The following PFAS variants were observed in gnomAD, a reference collection of about 807,000 sequenced individuals.
PFAS encodes the protein phosphoribosylformylglycinamidine synthase.
PFAS carries 97 observed loss-of-function variants against 140.6 expected under a neutral mutation model. That is an observed-to-expected ratio of 0.69 (90% CI 0.59 to 0.82). The LOEUF is 0.82. PFAS is among the 40% of genes least tolerant of loss of function. The probability of loss-of-function intolerance (pLI) is 0.00; values close to 1 mark genes in which losing one functional copy is unlikely to be tolerated. For missense variants in PFAS, 1,656 were observed against 1,780.2 expected (o/e 0.93, Z 1.26); for synonymous variants, 679 against 718.8 (o/e 0.94, Z 0.88).
At position 8,256,710 on chromosome 17, in the gene PFAS, GGCCCCTGGA is replaced by G. The variant is rs1445048592; in HGVS notation, c.946+64_946+72del. 2.5e-6 allele frequency: 4 copies of G among 1,578,668 alleles called. No individual in the cohort carries two copies. In the African/African-American group the frequency reaches 5.5e-5, roughly 22 times the overall value. On this transcript the variant is annotated intron_variant, in intron 8 of 27. Coordinates refer to ENST00000314666, the MANE Select transcript of PFAS (RefSeq NM_012393.3). ...AGAATAGGGTAGGGCAAAGGTCCCA[GGCCCCTGGA>G]GTGGGCCTGGGGAAAATAATCAGGG...
Position 8,267,395 on chromosome 17 carries a change from A to G in PFAS, c.3199A>G (p.Ile1067Val). The change falls in exon 25 of 28, where the codon ATC becomes GTC. Residue 1067 changes from isoleucine to valine, a missense_variant. Around this residue, in one of 2 missense-constraint regions of PFAS, gnomAD observed 883 missense variants for 1,023.0 expected, o/e 0.86. Transcript: ENST00000314666. This position sits in a 1 kb window ranked among gnomAD's most constrained non-coding sequence, Gnocchi z 4.9. ...EPGGPSPRVA[I>V]LREEGSNGDR... is the part of the protein sequence containing the mutation. Reference sequence around the variant, plus strand: ...AGGTGGTCCCAGCCCCCGAGTCGCCATCTTGCGAGAGGAGGGCAGTAATGG... The same window carrying G: ...AGGTGGTCCCAGCCCCCGAGTCGCCGTCTTGCGAGAGGAGGGCAGTAATGG... 1 of 1,614,110 alleles carries G rather than the reference A, an allele frequency of 6.2e-7. No homozygotes were observed. The highest frequency in any genetic ancestry group is 1.3e-5 in the African/African-American group (1 of 75,062).
In PFAS at chr17:8,255,692, G is replaced by T; in HGVS notation, c.574+1G>T. On this transcript the variant is annotated splice_donor_variant, in intron 5 of 27. Coordinates refer to ENST00000314666, the MANE Select transcript of PFAS (RefSeq NM_012393.3). LOFTEE classifies it high-confidence loss of function. ...CTGGAGAAGGCCAACCAGGAGCTTGGTGAGTAGCTGGGGAGGGAGATGTAG... is the reference window on the plus strand; with the variant it reads ...CTGGAGAAGGCCAACCAGGAGCTTGTTGAGTAGCTGGGGAGGGAGATGTAG... The T allele has an allele frequency of 3.2e-6, 5 of 1,585,264 alleles. No individual in the cohort carries two copies. The highest frequency in any genetic ancestry group is 4.3e-6 in the Non-Finnish European group (5 of 1,167,144).
At chr17:8,257,025 A>G (rs1989397810) in intron 9 of PFAS, 62 bp downstream of exon 9, 4 of 1,570,176 alleles carry the variant, frequency 2.5e-6, no homozygotes, top group South Asian at 1.1e-5. Flanking sequence ...GCAGGCAGCA[A>G]ACTTCTATCT....
chr17:8,263,374 A>G, intron 13 of PFAS, 109 bp downstream of exon 13: 8 of 1,220,988 alleles, frequency 6.6e-6, no homozygotes, highest in Non-Finnish European at 9.5e-6. Context: ...TCTGGGTCCC[A>G]TTCTCCATGC....
At chr17:8,248,491 C>G (rs184260481), upstream of PFAS, among the ~76,000 whole-genome samples, 68 of 143,734 alleles carry the variant, frequency 4.7e-4, 1 homozygote, top group Admixed American at 4.8e-3. Context: ...AAACTCCTGA[C>G]CTCAGGTGAT....
rs945687665 is a variant in PFAS, at chr17:8,269,487, A to G, written c.*223A>G. 88 of 525,290 alleles carry G rather than the reference A, an allele frequency of 1.7e-4. No individual in the cohort carries two copies. Among genetic ancestry groups the G allele is most frequent in the Non-Finnish European group, 2.4e-4 (72 of 296,106 alleles). 32.5% of individuals were successfully genotyped at this position (525,290 alleles called of 1,614,324 possible). A position where few individuals can be genotyped will look rare whatever the true frequency, so the allele number is the denominator to read the frequency against. On this transcript the variant is annotated 3_prime_UTR_variant, in exon 28 of 28. Transcript: ENST00000314666. Reference sequence around the variant, plus strand: ...GCTCTAACATGGCATGCCCTTTCTCAGCCCAGGAAACAGCATGTGGTTCAG... The same window carrying G: ...GCTCTAACATGGCATGCCCTTTCTCGGCCCAGGAAACAGCATGTGGTTCAG...
intron 14 of PFAS, 31 bp from the exon 15 acceptor site, chr17:8,263,744 C>T: frequency 6.2e-7 from 1 of 1,610,430 alleles, no homozygotes. Context: ...CCCACTGGCC[C>T]TTCTCTTTCC....
chr17:8,256,154 A>G (rs1038690385), intron 6 of PFAS, 113 bp from the exon 7 acceptor site: 8 of 1,040,494 alleles, frequency 7.7e-6, no homozygotes, highest in Non-Finnish European at 1.1e-5. Flanking sequence ...TTGATCTGTC[A>G]TCTAAGTATG....
intron 13 of PFAS, 68 bp from the exon 14 acceptor site, chr17:8,263,507 G>A (rs1989677791): frequency 2.2e-6 from 3 of 1,360,930 alleles, no homozygotes; most frequent in Non-Finnish European, 1.1e-6. Context: ...CCCTTTGGAG[G>A]CCAGGGACTG....
chr17:8,254,530 G>A (rs981736872), intron 3 of PFAS, among the ~76,000 whole-genome samples: 2 of 152,144 alleles, frequency 1.3e-5, no homozygotes, highest in African/African-American at 4.8e-5. Flanking sequence ...TTGGCCAGGC[G>A]CGGTGGCTCA....
rs777807349 is a variant in PFAS, at chr17:8,267,227, G to A, written c.3167G>A (p.Arg1056His). 203 of 1,608,472 alleles carry A rather than the reference G, an allele frequency of 1.3e-4. No homozygotes were observed. The highest frequency in any genetic ancestry group is 6.7e-4 in the Admixed American group (40 of 59,462). ...PPTFPKASVP[R>H]EPGGPSPRVA... is the part of the protein sequence containing the mutation. ...ACCTTTCCCAAAGCCTCCGTGCCCC[G>A]TGAGCCTGGTGAGGGAGTGTGTGCA... The change falls in exon 24 of 28, where the codon CGT (arginine) becomes CAT (histidine). Residue 1056 changes from arginine (R) to histidine (H), a missense_variant. By Grantham distance (29) the Arg-to-His change is conservative. Transcript: ENST00000314666. The surrounding 1 kb of genome is among the most constrained non-coding windows in gnomAD (Gnocchi z 4.9).
chr17:8,251,110 A>G (rs1241733901), intron 1 of PFAS, among the ~76,000 whole-genome samples: 1 of 152,078 alleles, frequency 6.6e-6, no homozygotes. Flanking sequence ...ACATGGTGAA[A>G]CCCCATCTCT....
At chr17:8,257,056 C>A (rs552424571) in intron 9 of PFAS, 93 bp downstream of exon 9, 16 of 1,378,386 alleles carry the variant, frequency 1.2e-5, no homozygotes, top group Admixed American at 1.7e-5. Flanking sequence ...TAGGGTTATC[C>A]TGTGTGCCTT....
intron 27 of PFAS, 43 bp downstream of exon 27, chr17:8,268,899 G>A (rs760436193): frequency 9.3e-6 from 15 of 1,611,942 alleles, no homozygotes; most frequent in African/African-American, 6.7e-5. Context: ...AGGGTTGGGG[G>A]CAAGGGTGGG....
intron 6 of PFAS, 95 bp downstream of exon 6, chr17:8,256,005 C>T (rs2151579419): frequency 2.0e-6 from 2 of 997,134 alleles, no homozygotes; most frequent in South Asian, 1.4e-5. Context: ...GGCTTAGGGG[C>T]CTCCCTGAGT....
Position 8,256,826 on chromosome 17 carries a change from T to C in PFAS, c.947-9T>C. On this transcript the variant is annotated splice_polypyrimidine_tract_variant and intron_variant, in intron 8 of 27. Transcript: ENST00000314666. ...GGCACCCAGACCTCTCCCCACTCTC[T>C]CTTTGCAGGAGTATGCCCCTTTAGT... is the stretch of plus-strand genomic sequence containing the variant. The C allele has an allele frequency of 6.3e-7, 1 of 1,590,538 alleles. No homozygotes were observed. The highest frequency in any genetic ancestry group is 8.6e-7 in the Non-Finnish European group (1 of 1,168,466).
chr17:8,256,000 A>C, intron 6 of PFAS, 90 bp downstream of exon 6: 1 of 1,044,714 alleles, frequency 9.6e-7, no homozygotes, highest in Non-Finnish European at 1.5e-6. Flanking sequence ...CCCTTGGCTT[A>C]GGGGCCTCCC....
chr17:8,248,009 A>C, upstream of PFAS: 1 of 1,562,076 alleles, frequency 6.4e-7, no homozygotes, highest in Non-Finnish European at 8.7e-7. Context: ...CTCACGGAGG[A>C]AGGGACCTGG....
intron 1 of PFAS, among the ~76,000 whole-genome samples, chr17:8,250,745 C>T (rs979848722): frequency 1.3e-5 from 2 of 152,076 alleles, no homozygotes; most frequent in Non-Finnish European, 2.9e-5. Context: ...CAGGTTGCAG[C>T]AGAGAAAGAG....
Sources: allele counts gnomAD v4.1 joint callset (sites outside exome capture counted in the v4.1 genomes callset), GRCh38; gene constraint gnomAD v4.1.1; regional missense constraint gnomAD v4.1.1; non-coding constraint Gnocchi (gnomAD v3.1); transcripts MANE v1.5; gene names NCBI Gene and HGNC (gene_info 2026-07-23, HGNC 2026-07-21).